MAGI2: variants seen among roughly 807,000 people sequenced by gnomAD.
MAGI2 encodes the protein membrane-associated guanylate kinase, WW and PDZ domain-containing protein 2.
Under a neutral mutation model 133.3 loss-of-function variants are expected in MAGI2, and 35 were observed. That is an observed-to-expected ratio of 0.26 (90% CI 0.20 to 0.35). The LOEUF (loss-of-function observed/expected upper bound fraction) is 0.35, where lower values mean the gene tolerates loss of function less well. Among genes scored for constraint, MAGI2 ranks in the 10% least tolerant of loss-of-function variants. The probability of loss-of-function intolerance (pLI) is 1.00; values close to 1 mark genes in which losing one functional copy is unlikely to be tolerated. For missense variants in MAGI2, 1,636 were observed against 1,863.4 expected (o/e 0.88, Z 2.25); for synonymous variants, 729 against 710.6 (o/e 1.03, Z -0.41).
intron 1 of MAGI2, among the ~76,000 whole-genome samples, chr7:79,021,946 T>C (rs1210613519): frequency 6.6e-6 from 1 of 152,090 alleles, no homozygotes; most frequent in East Asian, 1.9e-4. Context: ...CCCTATGCTG[T>C]TTTTGTGACA....
chr7:78,800,721 GTCTTGC>G (rs1346914269), intron 2 of MAGI2, among the ~76,000 whole-genome samples: 1 of 152,078 alleles, frequency 6.6e-6, no homozygotes, highest in Non-Finnish European at 1.5e-5. Context: ...ATTCTATTGT[GTCTTGC>G]TCAGTAGGAC....
intron 1 of MAGI2, among the ~76,000 whole-genome samples, chr7:79,232,374 G>T (rs1192462727): frequency 1.4e-5 from 2 of 140,552 alleles, no homozygotes; most frequent in Non-Finnish European, 1.5e-5. Context: ...AATGGTACCA[G>T]TTCCTCCTTG....
chr7:78,523,299 G>A (rs1171908294), intron 3 of MAGI2, among the ~76,000 whole-genome samples: 1 of 152,078 alleles, frequency 6.6e-6, no homozygotes, highest in East Asian at 1.9e-4. Flanking sequence ...AAATGTGATA[G>A]GGATGTGCTA....
intron 2 of MAGI2, among the ~76,000 whole-genome samples, chr7:78,912,028 T>A (rs964061797): frequency 2.6e-5 from 4 of 152,178 alleles, no homozygotes; most frequent in African/African-American, 9.6e-5. Context: ...CCAAAAATTA[T>A]ATTTTTAATT....
At chr7:78,571,578 G>A (rs1239854203) in intron 3 of MAGI2, among the ~76,000 whole-genome samples, 1 of 152,064 alleles carries the variant, frequency 6.6e-6, no homozygotes, top group Non-Finnish European at 1.5e-5. Flanking sequence ...TTGGATGGAT[G>A]GTTATAATTT....
chr7:78,709,492 T>C (rs975450607), intron 2 of MAGI2, among the ~76,000 whole-genome samples: 1 of 152,216 alleles, frequency 6.6e-6, no homozygotes, highest in Admixed American at 6.5e-5. Context: ...GTCAGTTGTC[T>C]GGCCTGTGTT....
intron 2 of MAGI2, among the ~76,000 whole-genome samples, chr7:78,777,387 A>G (rs1327136277): frequency 6.6e-6 from 1 of 152,202 alleles, no homozygotes; most frequent in Non-Finnish European, 1.5e-5. Context: ...GCATTAAATA[A>G]CATAATGCAT....
At position 78,888,175 on chromosome 7, in the gene MAGI2, C is replaced by G. The variant is rs561281669; in HGVS notation, c.418+118915G>C. Among the ~76,000 whole-genome samples the G allele has an allele frequency of 3.9e-5, 6 of 152,206 alleles. No individual in the cohort carries two copies. In the East Asian group the frequency reaches 7.7e-4, roughly 20 times the overall value. On this transcript the variant is annotated intron_variant, in intron 2 of 21. Coordinates refer to ENST00000354212, the MANE Select transcript of MAGI2 (RefSeq NM_012301.4). Reference sequence around the variant, plus strand: ...ATCAAACTGCAAGGCTGCAGGAAGGCTGGGGGAGGGGCGCCCACCATTGCT... The same window carrying G: ...ATCAAACTGCAAGGCTGCAGGAAGGGTGGGGGAGGGGCGCCCACCATTGCT...
At chr7:78,727,575 C>T (rs757395) in intron 2 of MAGI2, among the ~76,000 whole-genome samples, 56,830 of 151,974 alleles carry the variant, frequency 0.37, 11,012 homozygotes, top group Non-Finnish European at 0.43. Context: ...GAACTACATT[C>T]TTATTTTAAG....
intron 9 of MAGI2, among the ~76,000 whole-genome samples, chr7:78,287,590 T>G (rs146427600): frequency 6.6e-6 from 1 of 152,168 alleles, no homozygotes; most frequent in East Asian, 1.9e-4. Context: ...TATTCTTGAG[T>G]CATAAAGGAA....
rs1001829949 is a variant in MAGI2, at chr7:78,710,071, C to T, written c.419-82832G>A. 3.9e-5 allele frequency among the ~76,000 whole-genome samples: 6 copies of T among 152,142 alleles called. No homozygotes were observed. In the East Asian group the frequency reaches 5.8e-4, roughly 15 times the overall value. ...CCCTCAACAGGGAAGGGACCTTTCA[C>T]GAGAGTTGCCTCATGTTAAATAAGC... On this transcript the variant is annotated intron_variant, in intron 2 of 21. Transcript: ENST00000354212.
At chr7:79,432,365 T>C (rs1355256493) in intron 1 of MAGI2, among the ~76,000 whole-genome samples, 3 of 152,194 alleles carry the variant, frequency 2.0e-5, no homozygotes. Flanking sequence ...AGTATAGGTG[T>C]CCCATGATGA....
chr7:79,422,666 GGTTT>G (rs200986747), intron 1 of MAGI2, among the ~76,000 whole-genome samples: 1,763 of 151,658 alleles, frequency 0.012, 19 homozygotes, highest in Non-Finnish European at 0.016. Context: ...TTTTTTTTGT[GGTTT>G]GTTTTTCACT....
chr7:78,808,448 G>A (rs933157567), intron 2 of MAGI2, among the ~76,000 whole-genome samples: 1 of 152,042 alleles, frequency 6.6e-6, no homozygotes, highest in Non-Finnish European at 1.5e-5. Flanking sequence ...AGTAGAGACG[G>A]GGTTTTACCA....
intron 1 of MAGI2, among the ~76,000 whole-genome samples, chr7:79,103,230 T>C (rs1227098928): frequency 6.6e-6 from 1 of 152,248 alleles, no homozygotes; most frequent in African/African-American, 2.4e-5. Flanking sequence ...AATATTAGTC[T>C]GGCATTTAAA....
At chr7:78,730,765 A>G (rs1013694594) in intron 2 of MAGI2, among the ~76,000 whole-genome samples, 3 of 152,134 alleles carry the variant, frequency 2.0e-5, no homozygotes, top group African/African-American at 4.8e-5. Context: ...AAACATTAAG[A>G]TATATTATAT....
chr7:78,719,568 T>C (rs1033131533), intron 2 of MAGI2, among the ~76,000 whole-genome samples: 1 of 152,260 alleles, frequency 6.6e-6, no homozygotes, highest in Admixed American at 6.5e-5. Flanking sequence ...TTGGGGTTTA[T>C]GCAGGATCTT....
rs563565437 is a variant in MAGI2, at chr7:78,458,579, C to CAAA, written c.1045+31179_1045+31181dup. Among the ~76,000 whole-genome samples, 812 of 151,112 alleles carry CAAA rather than the reference C, an allele frequency of 5.4e-3. 15 individuals carry two copies. Among genetic ancestry groups the CAAA allele is most frequent in the African/African-American group, 0.018 (740 of 41,190 alleles). ...AGTTTAAATTATGTTACATGAGTAACAAATAATAGTTTACAAAGGTAAAGG... is the reference window on the plus strand; with the variant it reads ...AGTTTAAATTATGTTACATGAGTAACAAAAAATAATAGTTTACAAAGGTAAAGG... On this transcript the variant is annotated intron_variant, in intron 6 of 21. Coordinates refer to ENST00000354212, the MANE Select transcript of MAGI2 (RefSeq NM_012301.4).
intron 21 of MAGI2, among the ~76,000 whole-genome samples, chr7:78,041,545 C>T (rs994759420): frequency 3.3e-5 from 5 of 152,050 alleles, no homozygotes; most frequent in Middle Eastern, 3.2e-3. Flanking sequence ...TGTGGTAGTG[C>T]GTGCTTGTAC....
Sources: gnomAD v4.1 joint callset for allele counts (sites outside exome capture counted in the v4.1 genomes callset) on GRCh38, gnomAD v4.1.1 for gene constraint, MANE v1.5 for transcripts, NCBI Gene and HGNC (gene_info 2026-07-23, HGNC 2026-07-21) for gene names.